Variants in ZHX2 observed in about 807,000 individuals in gnomAD.
The protein encoded by ZHX2 is zinc fingers and homeoboxes 2, also known as zinc fingers and homeoboxes protein 2.
ZHX2 carries 6 observed loss-of-function variants against 21.9 expected under a neutral mutation model. The observed-to-expected ratio is 0.27, with a 90% CI of 0.15 to 0.54. The LOEUF is 0.54. Among genes scored for constraint, ZHX2 ranks in the 20% least tolerant of loss-of-function variants. The pLI is 0.95. For synonymous variants in ZHX2, 434 were observed against 437.1 expected (o/e 0.99, Z 0.09); for missense variants, 908 against 1,090.7 (o/e 0.83, Z 2.36).
rs138722395 is a variant in ZHX2 at position 122,872,796 on chromosome 8, G to T, written c.-220+9257G>T. 5.9e-5 allele frequency among the ~76,000 whole-genome samples: 9 copies of T among 152,300 alleles called. No homozygotes were observed. The East Asian group carries it at 1.7e-3, about 29-fold the overall frequency. ...AAAGTCTGAGCTGGCCTGGCTTTGC[G>T]CCCAGCTGGATCTAAGCAATGTCTG... On this transcript the variant is annotated intron_variant, in intron 2 of 3. Transcript: ENST00000314393.
At chr8:122,877,806 A>G (rs1195055517) in intron 2 of ZHX2, among the ~76,000 whole-genome samples, 2 of 152,138 alleles carry the variant, frequency 1.3e-5, no homozygotes, top group Non-Finnish European at 2.9e-5. Context: ...GACCTGGAGG[A>G]GGGGAACTAT....
At chr8:122,838,405 C>T (rs1007687763) in intron 1 of ZHX2, among the ~76,000 whole-genome samples, 3 of 151,982 alleles carry the variant, frequency 2.0e-5, no homozygotes, top group South Asian at 2.1e-4. Flanking sequence ...AAAGAAGTAA[C>T]GAGGCATGTC....
intron 1 of ZHX2, among the ~76,000 whole-genome samples, chr8:122,799,493 TAAG>T (rs1470596451): frequency 1.3e-5 from 2 of 152,194 alleles, no homozygotes; most frequent in East Asian, 3.8e-4. Context: ...ATGGGGGAGA[TAAG>T]AATCCAGAGA....
intron 1 of ZHX2, among the ~76,000 whole-genome samples, chr8:122,783,270 C>G (rs1437702458): frequency 6.6e-6 from 1 of 152,142 alleles, no homozygotes; most frequent in East Asian, 1.9e-4. Flanking sequence ...CGACCCCTCC[C>G]CTTTTAAAGA....
chr8:122,895,171 G>T (rs970869581), intron 2 of ZHX2, among the ~76,000 whole-genome samples: 1 of 152,088 alleles, frequency 6.6e-6, no homozygotes, highest in African/African-American at 2.4e-5. Context: ...TTTTCCTCTT[G>T]CTCTCTCCCT....
chr8:122,917,056 G>A (rs563246624), intron 2 of ZHX2, among the ~76,000 whole-genome samples: 2 of 152,078 alleles, frequency 1.3e-5, no homozygotes, highest in Admixed American at 6.6e-5. Flanking sequence ...AGCCAGTGAC[G>A]TCCTCCCTGT....
intron 2 of ZHX2, among the ~76,000 whole-genome samples, chr8:122,923,672 C>T (rs1477176485): frequency 6.6e-6 from 1 of 152,186 alleles, no homozygotes; most frequent in East Asian, 1.9e-4. Context: ...GAAGGAAAAT[C>T]TGAGAAGCCG....
rs377165594 is a variant in ZHX2 at position 122,839,292 on chromosome 8, C to T, written c.-282-24185C>T. 9.8e-5 allele frequency among the ~76,000 whole-genome samples: 15 copies of T among 152,310 alleles called. No homozygotes were observed. The South Asian group carries it at 1.7e-3, about 17-fold the overall frequency. On this transcript the variant is annotated intron_variant, in intron 1 of 3. Coordinates refer to ENST00000314393, the MANE Select transcript of ZHX2 (RefSeq NM_014943.5). ...GACAAAATCTGAACATTTCCAACTT[C>T]CCTCACCCCATCATTCACTCACCCA...
intron 3 of ZHX2, among the ~76,000 whole-genome samples, chr8:122,963,862 A>T (rs1217701260): frequency 1.1e-5 from 1 of 94,174 alleles, no homozygotes; most frequent in East Asian, 3.9e-4. Context: ...TATATTCCTA[A>T]GTTGGGTTTT....
At chr8:122,848,248 T>C (rs1818800836) in intron 1 of ZHX2, among the ~76,000 whole-genome samples, 1 of 152,066 alleles carries the variant, frequency 6.6e-6, no homozygotes, top group African/African-American at 2.4e-5. Flanking sequence ...GAGAAGGGTC[T>C]CCGAACCAGA....
intron 2 of ZHX2, among the ~76,000 whole-genome samples, chr8:122,935,733 C>T (rs549790343): frequency 9.2e-5 from 14 of 152,134 alleles, no homozygotes; most frequent in African/African-American, 3.1e-4. Flanking sequence ...GACGGGGTTT[C>T]ACCATGTTAG....
intron 1 of ZHX2, among the ~76,000 whole-genome samples, chr8:122,797,380 AC>A (rs747096459): frequency 2.0e-5 from 3 of 151,988 alleles, no homozygotes; most frequent in Non-Finnish European, 4.4e-5. Flanking sequence ...TGCTCACACA[AC>A]CTCGCAAAGC....
At chr8:122,784,300 C>T (rs1228013729) in intron 1 of ZHX2, among the ~76,000 whole-genome samples, 1 of 152,186 alleles carries the variant, frequency 6.6e-6, no homozygotes, top group Non-Finnish European at 1.5e-5. Context: ...GTATATTTTA[C>T]GTGCTTTATC....
In ZHX2 at chr8:122,953,876, G is replaced by A. The variant is rs1159669418; in HGVS notation, c.2366G>A (p.Ser789Asn). 2 of 1,614,198 alleles carry A rather than the reference G, an allele frequency of 1.2e-6. No individual in the cohort carries two copies. The highest frequency in any genetic ancestry group is 1.7e-6 in the Non-Finnish European group (2 of 1,180,016). The change falls in exon 3 of 4, where the codon AGC becomes AAC. Residue 789 changes from serine (S) to asparagine (N), a missense_variant. Ser to Asn is a conservative substitution (Grantham distance 46). Around this residue, in one of 4 missense-constraint regions of ZHX2, gnomAD observed 431 missense variants for 428.6 expected, o/e 1.01. Transcript: ENST00000314393. This position sits in a 1 kb window ranked among gnomAD's most constrained non-coding sequence, Gnocchi z 4.6. ...GQGSDENEES[S>N]VVDYVEVTVG... Reference sequence around the variant, plus strand: ...GGTAGCGACGAGAACGAGGAGTCGAGCGTTGTGGATTACGTGGAGGTGACG... The same window carrying A: ...GGTAGCGACGAGAACGAGGAGTCGAACGTTGTGGATTACGTGGAGGTGACG...
chr8:122,786,834 T>C (rs1817405988), intron 1 of ZHX2, among the ~76,000 whole-genome samples: 2 of 151,870 alleles, frequency 1.3e-5, no homozygotes, highest in African/African-American at 4.8e-5. Flanking sequence ...CATAGCCACA[T>C]CCAGACAGCA....
At chr8:122,938,201 G>A (rs567801340) in intron 2 of ZHX2, among the ~76,000 whole-genome samples, 8 of 151,168 alleles carry the variant, frequency 5.3e-5, no homozygotes, top group South Asian at 2.1e-4. Context: ...CCAAAGTGCC[G>A]GGATTACAGG....
chr8:122,865,022 C>G (rs1276874811), intron 2 of ZHX2, among the ~76,000 whole-genome samples: 2 of 151,990 alleles, frequency 1.3e-5, no homozygotes, highest in Non-Finnish European at 2.9e-5. Flanking sequence ...GGATGAGAAT[C>G]GAGTTTGACA....
intron 2 of ZHX2, among the ~76,000 whole-genome samples, chr8:122,879,397 G>C (rs1318689234): frequency 6.6e-6 from 1 of 151,966 alleles, no homozygotes; most frequent in African/African-American, 2.4e-5. Context: ...AGTAGAGATG[G>C]GGTTTCACCA....
rs186012600 is a variant in ZHX2, at chr8:122,929,339, T to A, written c.-219-21953T>A. Among the ~76,000 whole-genome samples, 14 of 152,240 alleles carry A rather than the reference T, an allele frequency of 9.2e-5. No homozygotes were observed. The East Asian group carries it at 2.5e-3, about 27-fold the overall frequency. ...TCATATCTTTATATTTTGGCCAAGC[T>A]TCCTTACCCAGGGTCATTACATCTT... is the stretch of plus-strand genomic sequence containing the variant. On this transcript the variant is annotated intron_variant, in intron 2 of 3. Coordinates refer to ENST00000314393, the MANE Select transcript of ZHX2 (RefSeq NM_014943.5).
Sources: allele counts gnomAD v4.1 joint callset (sites outside exome capture counted in the v4.1 genomes callset), GRCh38; gene constraint gnomAD v4.1.1; regional missense constraint gnomAD v4.1.1; non-coding constraint Gnocchi (gnomAD v3.1); transcripts MANE v1.5; gene names NCBI Gene and HGNC (gene_info 2026-07-23, HGNC 2026-07-21).